Variants in ASB15 observed in about 807,000 individuals in gnomAD.
ASB15 encodes the protein ankyrin repeat and SOCS box containing 15.
Under a neutral mutation model 58.0 loss-of-function variants are expected in ASB15, and 54 were observed. The observed-to-expected ratio is 0.93, with a 90% CI of 0.75 to 1.17. ASB15 has a LOEUF of 1.17. Ranked by LOEUF, ASB15 falls within the 50% of genes most tolerant of loss-of-function variation. The pLI, the probability that ASB15 is intolerant of heterozygous loss-of-function variation, is 0.00. For synonymous variants in ASB15, 249 were observed against 262.4 expected, an observed-to-expected ratio of 0.95 and a Z score of 0.50; for missense variants, 680 against 707.4, an observed-to-expected ratio of 0.96 and a Z score of 0.44.
At chr7:123,590,674 G>C (rs1294814364) in intron 1 of ASB15, among the ~76,000 whole-genome samples, 1 of 150,854 alleles carries the variant, frequency 6.6e-6, no homozygotes, top group Non-Finnish European at 1.5e-5. Flanking sequence ...TGTTCCATTG[G>C]TCTATATCTC....
intron 1 of ASB15, among the ~76,000 whole-genome samples, chr7:123,587,558 T>C (rs1024394481): frequency 3.3e-5 from 5 of 151,772 alleles, no homozygotes; most frequent in African/African-American, 9.6e-5. Flanking sequence ...CTAATTGCTC[T>C]GGTGAGAACC....
chr7:123,594,878 G>C (rs922414852), intron 1 of ASB15, among the ~76,000 whole-genome samples: 8 of 152,292 alleles, frequency 5.3e-5, no homozygotes, highest in Middle Eastern at 6.8e-3. Flanking sequence ...GTTCAGATAG[G>C]CCCTGCCCCC....
At chr7:123,573,692 C>T (rs1349662043) in intron 1 of ASB15, among the ~76,000 whole-genome samples, 3 of 152,070 alleles carry the variant, frequency 2.0e-5, no homozygotes, top group African/African-American at 4.8e-5. Context: ...GTAGGCCTGG[C>T]TTCTGTATCC....
intron 1 of ASB15, among the ~76,000 whole-genome samples, chr7:123,582,839 A>G (rs1348167007): frequency 6.6e-6 from 1 of 152,034 alleles, no homozygotes; most frequent in Admixed American, 6.6e-5. Context: ...CATAGTAGCT[A>G]ATAAATACAT....
intron 1 of ASB15, among the ~76,000 whole-genome samples, chr7:123,585,248 T>C (rs1038336260): frequency 7.2e-5 from 11 of 151,742 alleles, no homozygotes; most frequent in African/African-American, 2.4e-4. Context: ...TTTCTGAAAA[T>C]TGAAAAATTT....
intron 4 of ASB15, 35 bp from the exon 5 acceptor site, chr7:123,616,184 GTA>G (rs1466708700): frequency 6.9e-7 from 1 of 1,456,660 alleles, no homozygotes; most frequent in African/African-American, 1.4e-5. Context: ...TATATCACTA[GTA>G]TCTAGTATAA....
At chr7:123,583,133 C>T (rs958002101) in intron 1 of ASB15, among the ~76,000 whole-genome samples, 5 of 151,758 alleles carry the variant, frequency 3.3e-5, no homozygotes, top group African/African-American at 1.2e-4. Context: ...GGCTCACTCC[C>T]GTAATACAAG....
chr7:123,624,743 T>G lies in ASB15; in HGVS notation c.626T>G (p.Phe209Cys). ...HGGNVHLRDGFGVTPLGVAAE... is the reference protein window; with the variant it reads ...HGGNVHLRDGCGVTPLGVAAE... ...GGCAATGTCCACCTGAGAGATGGAT[T>G]TGGAGTCACACCACTAGGCGTCGCT... Residue 209 changes from phenylalanine to cysteine, a missense_variant, in exon 8 of 12, where the codon TTT (phenylalanine) becomes TGT (cysteine). Physicochemically the swap from Phe to Cys is radical, Grantham distance 205. Transcript: ENST00000451215. The G allele has an allele frequency of 1.2e-6, 2 of 1,614,116 alleles. No homozygotes were observed. The highest frequency in any genetic ancestry group is 1.1e-5 in the South Asian group (1 of 91,074).
At chr7:123,588,290 T>C (rs1240548892) in intron 1 of ASB15, among the ~76,000 whole-genome samples, 1 of 151,802 alleles carries the variant, frequency 6.6e-6, no homozygotes, top group East Asian at 1.9e-4. Flanking sequence ...TGTCTATTCT[T>C]CTAGGTTATA....
In ASB15 at chr7:123,608,629, G is replaced by A. The variant is rs536493351; in HGVS notation, c.-28G>A. The A allele has an allele frequency of 1.3e-5, 2 of 152,276 alleles. No homozygotes were observed. Among genetic ancestry groups the A allele is most frequent in the South Asian group, 4.1e-4 (2 of 4,824 alleles). 9.4% of individuals were successfully genotyped at this position (152,276 alleles called of 1,614,324 possible). On this transcript the variant is annotated 5_prime_UTR_variant, in exon 3 of 12. Coordinates refer to ENST00000451215, the MANE Select transcript of ASB15 (RefSeq NM_001290258.2). ...CAGTAGAAAAGGCAAATACCATAAA[G>A]AAGGAATCGCTGTAACTTATTGCTT...
rs1801846618 is a variant in ASB15, at chr7:123,627,178, C to A, written c.766C>A (p.Pro256Thr). 6.8e-6 allele frequency: 11 copies of A among 1,613,878 alleles called. No individual in the cohort carries two copies. Among genetic ancestry groups the A allele is most frequent in the Non-Finnish European group, 9.3e-6 (11 of 1,179,896 alleles). Residue 256 changes from proline (P) to threonine (T), a missense_variant, in exon 9 of 12, where the codon CCC (proline) becomes ACC (threonine). Transcript: ENST00000451215. ...VLFEAAGGGN[P>T]DCISLLLEYG... ...GTTTGAGGCAGCAGGAGGTGGCAAT[C>A]CCGACTGCATTTCCCTCCTGCTGGA...
At position 123,624,547 on chromosome 7, in the gene ASB15, GTTTTTAACAATCA is replaced by G; in HGVS notation, c.452-17_452-5del. ...TATTTGTGTTAATATACTTACTGTT[GTTTTTAACAATCA>G]TTTTCAAGCTGTGAAAAAGGGCTCC... is the stretch of plus-strand genomic sequence containing the variant. On this transcript the variant is annotated splice_polypyrimidine_tract_variant and intron_variant, in intron 7 of 11. Transcript: ENST00000451215. 6.2e-7 allele frequency: 1 copy of G among 1,600,954 alleles called. No individual in the cohort carries two copies. The highest frequency in any genetic ancestry group is 1.1e-5 in the South Asian group (1 of 90,694).
intron 7 of ASB15, 75 bp downstream of exon 7, chr7:123,617,812 T>C (rs1218060997): frequency 2.2e-6 from 3 of 1,375,080 alleles, no homozygotes; most frequent in Middle Eastern, 1.9e-4. Flanking sequence ...CACTGTATAA[T>C]GGCTAAAATT....
At chr7:123,619,200 AAAAG>A (rs1801053865) in intron 7 of ASB15, among the ~76,000 whole-genome samples, 1 of 151,040 alleles carries the variant, frequency 6.6e-6, no homozygotes, top group Non-Finnish European at 1.5e-5. Context: ...AAAAAAAAAA[AAAAG>A]AAGTCACATT....
chr7:123,579,206 C>A (rs1034839273), intron 1 of ASB15, among the ~76,000 whole-genome samples: 1 of 151,974 alleles, frequency 6.6e-6, no homozygotes, highest in Admixed American at 6.6e-5. Context: ...CCAGCTGTAT[C>A]CATGTTGCTG....
At chr7:123,610,975 G>T (rs1270550872) in intron 3 of ASB15, among the ~76,000 whole-genome samples, 1 of 151,116 alleles carries the variant, frequency 6.6e-6, no homozygotes, top group African/African-American at 2.4e-5. Flanking sequence ...CCAGCTACTC[G>T]GGAGGCTAAG....
At chr7:123,619,950 A>G (rs1801130551) in intron 7 of ASB15, 1 of 152,330 alleles carries the variant, frequency 6.6e-6, no homozygotes, top group African/African-American at 2.4e-5. Context: ...ACAAAAATGC[A>G]TCCACAAAGC....
chr7:123,620,507 CATATATATATATATATATATATAT>C (rs1395766241), intron 7 of ASB15, among the ~76,000 whole-genome samples: 723 of 29,638 alleles, frequency 0.024, 28 homozygotes, highest in Middle Eastern at 0.091. Flanking sequence ...CATATACATA[CATATATATATATATATATATATAT>C]ATATATATAT....
At chr7:123,572,494 T>G (rs1251246855) in intron 1 of ASB15, among the ~76,000 whole-genome samples, 1 of 152,058 alleles carries the variant, frequency 6.6e-6, no homozygotes, top group Non-Finnish European at 1.5e-5. Flanking sequence ...TGCCAGGTTT[T>G]GCTTTATATA....
Sources: allele counts gnomAD v4.1 joint callset (sites outside exome capture counted in the v4.1 genomes callset), GRCh38; gene constraint gnomAD v4.1.1; transcripts MANE v1.5; gene names NCBI Gene and HGNC (gene_info 2026-07-23, HGNC 2026-07-21).